Variants in RASA3 observed in about 807,000 individuals in gnomAD.
RASA3 encodes RAS p21 protein activator 3, also known as ras GTPase-activating protein 3.
A neutral mutation model predicts 110.0 loss-of-function variants in RASA3; 73 were observed. The ratio of observed to expected loss-of-function variants is 0.66; its 90% CI spans 0.55 to 0.81. The LOEUF (loss-of-function observed/expected upper bound fraction) is 0.81. Ranked by LOEUF, RASA3 falls within the 30% of genes least tolerant of loss-of-function variation. The pLI is 0.00. For synonymous variants in RASA3, 500 were observed against 451.4 expected (o/e 1.11, Z -1.37); for missense variants, 976 against 1,113.2 (o/e 0.88, Z 1.75).
intron 18 of RASA3, among the ~76,000 whole-genome samples, chr13:114,004,527 G>A (rs1001630314): frequency 6.6e-5 from 10 of 151,964 alleles, no homozygotes; most frequent in African/African-American, 1.9e-4. Context: ...CCCACCTCAC[G>A]CCAGGCAGAA....
At chr13:113,995,153 T>C (rs903422796) in intron 21 of RASA3, among the ~76,000 whole-genome samples, 3 of 152,220 alleles carry the variant, frequency 2.0e-5, no homozygotes, top group African/African-American at 7.2e-5. Context: ...ATAAATGGCC[T>C]GGAAGGAAGC....
chr13:114,102,641 G>A (rs1026368086), intron 1 of RASA3, among the ~76,000 whole-genome samples: 1 of 152,184 alleles, frequency 6.6e-6, no homozygotes, highest in East Asian at 1.9e-4. Context: ...CCACATGGCC[G>A]GTGGCAGGGG....
At chr13:114,017,453 G>A in intron 11 of RASA3, 102 bp from the exon 12 acceptor site, 4 of 913,036 alleles carry the variant, frequency 4.4e-6, no homozygotes, top group East Asian at 2.5e-5. Flanking sequence ...TGTGAGGTCA[G>A]TGCACGCCCA....
chr13:113,981,864 G>A lies in RASA3; in HGVS notation c.2246-6C>T, dbSNP rs550674098. 339 of 1,612,598 alleles carry A rather than the reference G, an allele frequency of 2.1e-4. No homozygotes were observed. The highest frequency in any genetic ancestry group is 2.7e-4 in the Non-Finnish European group (317 of 1,179,540). On this transcript the variant is annotated splice_polypyrimidine_tract_variant and splice_region_variant and intron_variant, in intron 22 of 23. Transcript: ENST00000334062. ...AGATTTGCTCCCACAGGCCTCTGTG[G>A]AGGGCGGAGGGGTCAGCGCAGGGCA...
intron 22 of RASA3, among the ~76,000 whole-genome samples, chr13:113,988,423 T>C (rs1451403542): frequency 0.034 from 67 of 1,976 alleles, no homozygotes; most frequent in African/African-American, 0.062. Context: ...ATCCACCCAT[T>C]ACTCACCCAT....
intron 2 of RASA3, among the ~76,000 whole-genome samples, chr13:114,061,528 AT>A (rs1297615759): frequency 1.2e-4 from 17 of 147,336 alleles, no homozygotes; most frequent in African/African-American, 4.4e-4. Context: ...AAAAAAAAAA[AT>A]TACTGGGCAT....
At chr13:114,054,129 A>G (rs2079197537) in intron 2 of RASA3, among the ~76,000 whole-genome samples, 1 of 152,246 alleles carries the variant, frequency 6.6e-6, no homozygotes, top group African/African-American at 2.4e-5. Context: ...TCAGTCTCAA[A>G]AAAATAATAA....
At chr13:114,097,792 C>A (rs1357934753) in intron 1 of RASA3, among the ~76,000 whole-genome samples, 1 of 152,180 alleles carries the variant, frequency 6.6e-6, no homozygotes, top group Non-Finnish European at 1.5e-5. Flanking sequence ...AGTGGGCAGC[C>A]GACAGGACGG....
At chr13:114,098,056 C>T (rs1202815326) in intron 1 of RASA3, among the ~76,000 whole-genome samples, 1 of 152,198 alleles carries the variant, frequency 6.6e-6, no homozygotes, top group African/African-American at 2.4e-5. Flanking sequence ...GGGGCTACAG[C>T]CCCCATCCAG....
At chr13:114,098,946 T>C (rs1295356208) in intron 1 of RASA3, among the ~76,000 whole-genome samples, 1 of 151,444 alleles carries the variant, frequency 6.6e-6, no homozygotes. Flanking sequence ...ACCACAGCAG[T>C]CGGGGCCCGG....
At chr13:114,072,982 T>A (rs1472248478) in intron 2 of RASA3, among the ~76,000 whole-genome samples, 1 of 149,034 alleles carries the variant, frequency 6.7e-6, no homozygotes, top group African/African-American at 2.5e-5. Flanking sequence ...GGACATTGTC[T>A]ACACATAGAA....
intron 1 of RASA3, among the ~76,000 whole-genome samples, chr13:114,108,984 G>A (rs1427739561): frequency 6.6e-6 from 1 of 152,196 alleles, no homozygotes; most frequent in African/African-American, 2.4e-5. Flanking sequence ...TGGCAGGGCA[G>A]GCCCAGGTCT....
chr13:114,126,157 ACCGGCAC>A (rs2080445746), intron 1 of RASA3, among the ~76,000 whole-genome samples: 3 of 129,730 alleles, frequency 2.3e-5, no homozygotes, highest in Admixed American at 7.5e-5. Flanking sequence ...CTCCAGAGGT[ACCGGCAC>A]CTGCTGTCCA....
At chr13:114,051,299 C>G (rs559769418) in intron 3 of RASA3, among the ~76,000 whole-genome samples, 7 of 152,356 alleles carry the variant, frequency 4.6e-5, no homozygotes, top group African/African-American at 7.2e-5. Context: ...GGCGTGAGCT[C>G]AGGCGCCACA....
intron 4 of RASA3, among the ~76,000 whole-genome samples, chr13:114,038,970 C>G (rs1440856863): frequency 6.6e-6 from 1 of 152,234 alleles, no homozygotes; most frequent in Non-Finnish European, 1.5e-5. Context: ...TAAAAATAAC[C>G]ATCACAGCCA....
intron 9 of RASA3, among the ~76,000 whole-genome samples, chr13:114,020,484 C>T (rs1211388752): frequency 1.3e-5 from 2 of 152,220 alleles, no homozygotes; most frequent in Non-Finnish European, 2.9e-5. Flanking sequence ...TCAAAAGACA[C>T]GCGTGTTTCA....
intron 2 of RASA3, among the ~76,000 whole-genome samples, chr13:114,073,065 T>C (rs113019664): frequency 8.5e-4 from 95 of 112,332 alleles, no homozygotes; most frequent in East Asian, 1.4e-3. Flanking sequence ...AGAAAAATTC[T>C]CTACACGCGG....
At chr13:114,076,343 T>C (rs2079681087) in intron 1 of RASA3, among the ~76,000 whole-genome samples, 1 of 152,046 alleles carries the variant, frequency 6.6e-6, no homozygotes, top group African/African-American at 2.4e-5. Flanking sequence ...ACGGCGACTC[T>C]CCCGGGATGC....
intron 1 of RASA3, among the ~76,000 whole-genome samples, chr13:114,117,652 GTGCACGTGTGTGAGGGA>G (rs1162762079): frequency 2.2e-4 from 28 of 129,820 alleles, no homozygotes; most frequent in Non-Finnish European, 4.3e-4. Flanking sequence ...TGTGTGAGGG[GTGCACGTGTGTGAGGGA>G]TGCACGTGTG....
Sources: gnomAD v4.1 joint callset for allele counts (sites outside exome capture counted in the v4.1 genomes callset) on GRCh38, gnomAD v4.1.1 for gene constraint, MANE v1.5 for transcripts, NCBI Gene and HGNC (gene_info 2026-07-23, HGNC 2026-07-21) for gene names.